Variants in ELAPOR1 observed in about 807,000 individuals in gnomAD.
The protein encoded by ELAPOR1 is endosome/lysosome-associated apoptosis and autophagy regulator 1.
A neutral mutation model predicts 119.7 loss-of-function variants in ELAPOR1; 77 were observed. That is an observed-to-expected ratio of 0.64 (90% CI 0.54 to 0.78). The LOEUF is 0.78. Ranked by LOEUF, ELAPOR1 falls within the 30% of genes least tolerant of loss-of-function variation. The pLI is 0.00. For synonymous variants in ELAPOR1, 481 were observed against 487.2 expected (o/e 0.99, Z 0.17); for missense variants, 1,115 against 1,270.4 (o/e 0.88, Z 1.86).
chr1:109,196,794 T>G (rs576146027), intron 15 of ELAPOR1, among the ~76,000 whole-genome samples: 2 of 152,268 alleles, frequency 1.3e-5, no homozygotes, highest in South Asian at 4.1e-4. Flanking sequence ...GCGATTCTCC[T>G]GCCTCAGCCT....
rs114468188 is a variant in ELAPOR1 at position 109,182,589 on chromosome 1, C to T, written c.953-2456C>T. The stretch of plus-strand genomic sequence containing the variant: ...TCTAGCTTAAAATCTCATTCCAGGC[C>T]GGGAGCGGTGGCTCACACCTGTAAT... On this transcript the variant is annotated intron_variant, in intron 7 of 21. Coordinates refer to ENST00000369939, the MANE Select transcript of ELAPOR1 (RefSeq NM_020775.5). Among the ~76,000 whole-genome samples the T allele has an allele frequency of 1.3e-3, 194 of 151,698 alleles. 1 individual carries two copies. Among genetic ancestry groups the T allele is most frequent in the African/African-American group, 3.4e-3 (139 of 41,320 alleles).
intron 18 of ELAPOR1, 135 bp downstream of exon 18, chr1:109,198,809 T>A (rs1307046655): frequency 1.4e-6 from 1 of 700,674 alleles, no homozygotes; most frequent in Non-Finnish European, 2.4e-6. Flanking sequence ...AGGGGCACAG[T>A]CATGGCCCCA....
chr1:109,191,889 C>G, intron 13 of ELAPOR1, 26 bp downstream of exon 13: 1 of 1,613,342 alleles, frequency 6.2e-7, no homozygotes, highest in Non-Finnish European at 8.5e-7. Context: ...TCCTCAGACC[C>G]CCAGGAGAGA....
intron 1 of ELAPOR1, among the ~76,000 whole-genome samples, chr1:109,157,331 T>C (rs1328031098): frequency 6.6e-6 from 1 of 152,162 alleles, no homozygotes; most frequent in Non-Finnish European, 1.5e-5. Context: ...TTCCCATCTG[T>C]AAAATGGTAA....
chr1:109,188,205 C>G lies in ELAPOR1; in HGVS notation c.1070C>G (p.Pro357Arg). 6.2e-7 allele frequency: 1 copy of G among 1,611,978 alleles called. No individual in the cohort carries two copies. The highest frequency in any genetic ancestry group is 8.5e-7 in the Non-Finnish European group (1 of 1,178,266). Residue 357 changes from proline to arginine, a missense_variant, in exon 9 of 22, where the codon CCG becomes CGG. Transcript: ENST00000369939. ...CAACTCATGTACAAATGGGCCAAGCCGAAAATCTGTAGCGAGGACCTTGAG... is the reference window on the plus strand; with the variant it reads ...CAACTCATGTACAAATGGGCCAAGCGGAAAATCTGTAGCGAGGACCTTGAG... ...ETQLMYKWAKPKICSEDLEGA... is the reference protein window; with the variant it reads ...ETQLMYKWAKRKICSEDLEGA...
At position 109,146,396 on chromosome 1, in the gene ELAPOR1, C is replaced by A. The variant is rs574915064; in HGVS notation, c.154-15498C>A. Among the ~76,000 whole-genome samples, 17 of 152,130 alleles carry A rather than the reference C, an allele frequency of 1.1e-4. No homozygotes were observed. The South Asian group carries it at 2.9e-3, about 26-fold the overall frequency. On this transcript the variant is annotated intron_variant, in intron 1 of 21. Transcript: ENST00000369939. ...CAGGAAGAAAAAGATAAATCCATAT[C>A]TAGATATATATCAGTGTGGAAGCTG...
At chr1:109,161,409 CAAA>C (rs59573644) in intron 1 of ELAPOR1, among the ~76,000 whole-genome samples, 10 of 56,326 alleles carry the variant, frequency 1.8e-4, no homozygotes, top group African/African-American at 5.7e-4. Context: ...GACTCCGTCT[CAAA>C]AAAAAAAAAA....
chr1:109,195,561 G>A (rs1421038806), intron 15 of ELAPOR1, among the ~76,000 whole-genome samples: 1 of 152,138 alleles, frequency 6.6e-6, no homozygotes, highest in Non-Finnish European at 1.5e-5. Flanking sequence ...TATGCAGAAG[G>A]AAAGGTTTTT....
chr1:109,118,592 G>A (rs1230680009), intron 1 of ELAPOR1, among the ~76,000 whole-genome samples: 1 of 152,178 alleles, frequency 6.6e-6, no homozygotes, highest in Non-Finnish European at 1.5e-5. Context: ...TACATGGAAA[G>A]GCGTCTGTGT....
intron 2 of ELAPOR1, 86 bp downstream of exon 2, chr1:109,162,100 C>G (rs756432193): frequency 9.0e-6 from 13 of 1,438,176 alleles, no homozygotes; most frequent in Non-Finnish European, 1.2e-5. Flanking sequence ...TGGGCCCTTC[C>G]TGGCAGAGCA....
chr1:109,156,860 G>A (rs939187889), intron 1 of ELAPOR1, among the ~76,000 whole-genome samples: 1 of 152,122 alleles, frequency 6.6e-6, no homozygotes, highest in African/African-American at 2.4e-5. Context: ...GTCCATCCAT[G>A]GCAGAGGAAG....
intron 7 of ELAPOR1, among the ~76,000 whole-genome samples, chr1:109,182,625 T>C (rs574466319): frequency 3.3e-5 from 5 of 152,070 alleles, no homozygotes; most frequent in African/African-American, 9.6e-5. Flanking sequence ...CCCAGCACTT[T>C]GGGAGGCCAA....
intron 18 of ELAPOR1, among the ~76,000 whole-genome samples, chr1:109,198,950 A>G (rs1653996616): frequency 6.6e-6 from 1 of 152,180 alleles, no homozygotes; most frequent in South Asian, 2.1e-4. Context: ...AGGTTGAATC[A>G]TCTCCTCCAC....
At chr1:109,130,067 T>C (rs759332733) in intron 1 of ELAPOR1, among the ~76,000 whole-genome samples, 1 of 152,190 alleles carries the variant, frequency 6.6e-6, no homozygotes, top group African/African-American at 2.4e-5. Flanking sequence ...ACCTCTGACT[T>C]CACTGTTACA....
chr1:109,160,484 T>C (rs573444488), intron 1 of ELAPOR1, among the ~76,000 whole-genome samples: 1 of 152,282 alleles, frequency 6.6e-6, no homozygotes, highest in East Asian at 1.9e-4. Context: ...CTTGATTTCA[T>C]AGATGTTAGA....
At chr1:109,132,924 A>T (rs1272793488) in intron 1 of ELAPOR1, among the ~76,000 whole-genome samples, 1 of 151,550 alleles carries the variant, frequency 6.6e-6, no homozygotes, top group Non-Finnish European at 1.5e-5. Flanking sequence ...AATAAAAATT[A>T]TGGCAGAAAA....
At position 109,199,854 on chromosome 1, in the gene ELAPOR1, A is replaced by C. The variant is rs1168674904; in HGVS notation, c.2502A>C (p.Gly834=). The C allele has an allele frequency of 1.2e-6, 2 of 1,611,318 alleles. No homozygotes were observed. The highest frequency in any genetic ancestry group is 2.7e-5 in the African/African-American group (2 of 75,006). ...KTVPGSLLLP[G]TCSDGTCDGC... is the part of the protein sequence containing the mutation. ...TCAGGTCTCTTTTCTGCTTTGCTAG[A>C]ACGTGCTCGGATGGGACCTGTGATG... The change falls in exon 19 of 22, where the codon GGA becomes GGC. Residue 834 remains glycine, a splice_region_variant and synonymous_variant. Transcript: ENST00000369939.
chr1:109,144,059 A>ATTTTTTTTTTTTTT (rs1243626258), intron 1 of ELAPOR1, among the ~76,000 whole-genome samples: 12 of 34,404 alleles, frequency 3.5e-4, no homozygotes, highest in Non-Finnish European at 7.8e-4. Context: ...ATATATTTAT[A>ATTTTTTTTTTTTTT]TATTTTTTTT....
intron 11 of ELAPOR1, 121 bp from the exon 12 acceptor site, chr1:109,191,245 C>T (rs541206245): frequency 1.5e-6 from 1 of 653,002 alleles, no homozygotes; most frequent in South Asian, 1.9e-5. Context: ...ATTTAGTCCA[C>T]ACGCTTTCCA....
Sources: gnomAD v4.1 joint callset for allele counts (sites outside exome capture counted in the v4.1 genomes callset) on GRCh38, gnomAD v4.1.1 for gene constraint, MANE v1.5 for transcripts, NCBI Gene and HGNC (gene_info 2026-07-23, HGNC 2026-07-21) for gene names.